The following MDGA2 variants were observed in gnomAD, a reference collection of about 807,000 sequenced individuals.
MDGA2 encodes MAM domain containing glycosylphosphatidylinositol anchor 2.
A neutral mutation model predicts 117.8 loss-of-function variants in MDGA2; 40 were observed. That is an observed-to-expected ratio of 0.34 (90% CI 0.26 to 0.44). MDGA2 has a LOEUF of 0.44. MDGA2 is among the 20% of genes least tolerant of loss of function. The pLI, the probability that MDGA2 is intolerant of heterozygous loss-of-function variation, is 1.00. For missense variants in MDGA2, 1,123 were observed against 1,250.6 expected, an observed-to-expected ratio of 0.90 and a Z score of 1.54; for synonymous variants, 452 against 439.0, an observed-to-expected ratio of 1.03 and a Z score of -0.37.
chr14:46,858,174 T>A (rs1035016509), intron 14 of MDGA2, among the ~76,000 whole-genome samples: 13 of 151,472 alleles, frequency 8.6e-5, no homozygotes, highest in Non-Finnish European at 1.5e-4. Flanking sequence ...TTTCTTTGTC[T>A]TCAAGTTCAC....
At chr14:46,864,545 G>GGTTTTTTTTTT (rs773215923) in intron 14 of MDGA2, among the ~76,000 whole-genome samples, 2 of 51,472 alleles carry the variant, frequency 3.9e-5, no homozygotes, top group Non-Finnish European at 7.9e-5. Flanking sequence ...AGATATTGCT[G>GGTTTTTTTTTT]TTTTTTTTTT....
intron 3 of MDGA2, among the ~76,000 whole-genome samples, chr14:47,150,460 T>G (rs1883118108): frequency 6.6e-6 from 1 of 152,186 alleles, no homozygotes; most frequent in South Asian, 2.1e-4. Context: ...TTTTCTCCAC[T>G]GCGTAAAAGG....
At chr14:47,297,228 C>A (rs1016417266) in intron 2 of MDGA2, among the ~76,000 whole-genome samples, 1 of 151,858 alleles carries the variant, frequency 6.6e-6, no homozygotes, top group Admixed American at 6.6e-5. Flanking sequence ...CGAACGAGAA[C>A]TGAAAGGTGA....
At chr14:47,178,734 T>C (rs990855866) in intron 3 of MDGA2, among the ~76,000 whole-genome samples, 18 of 152,138 alleles carry the variant, frequency 1.2e-4, no homozygotes, top group African/African-American at 4.1e-4. Context: ...AATTATGTTA[T>C]AGAAATGTGA....
In MDGA2 at chr14:47,141,536, A is replaced by G. The variant is rs570988030; in HGVS notation, c.792+2542T>C. Among the ~76,000 whole-genome samples the G allele has an allele frequency of 6.3e-3, 961 of 152,292 alleles. 4 individuals carry two copies. The highest frequency in any genetic ancestry group is 0.01 in the Non-Finnish European group (705 of 68,008). On this transcript the variant is annotated intron_variant, in intron 4 of 16. Coordinates refer to ENST00000399232, the MANE Select transcript of MDGA2 (RefSeq NM_001113498.3). ...TATAATGTTCTCCAGATCCACCCAC[A>G]TTGCTGCAAATGATGGGTCTGTCCC...
chr14:47,164,581 T>A (rs1883783744), intron 3 of MDGA2, among the ~76,000 whole-genome samples: 1 of 152,054 alleles, frequency 6.6e-6, no homozygotes, highest in Non-Finnish European at 1.5e-5. Flanking sequence ...AGAATGGCGA[T>A]CATTAAAAAG....
chr14:47,103,227 T>C (rs1439457422), intron 5 of MDGA2, among the ~76,000 whole-genome samples: 1 of 152,214 alleles, frequency 6.6e-6, no homozygotes, highest in Non-Finnish European at 1.5e-5. Context: ...TGCTTACAGA[T>C]TCAAGGAATA....
At chr14:47,325,195 AT>A (rs1295897307) in intron 1 of MDGA2, among the ~76,000 whole-genome samples, 1 of 152,172 alleles carries the variant, frequency 6.6e-6, no homozygotes, top group East Asian at 1.9e-4. Flanking sequence ...TATCTGACTG[AT>A]CTCTCAACTA....
chr14:47,092,620 T>C (rs964984612), intron 6 of MDGA2, among the ~76,000 whole-genome samples: 3 of 152,118 alleles, frequency 2.0e-5, no homozygotes, highest in African/African-American at 7.2e-5. Flanking sequence ...CCTGTCAGCT[T>C]TGAAATATTT....
intron 1 of MDGA2, among the ~76,000 whole-genome samples, chr14:47,503,210 C>G (rs1469219390): frequency 6.6e-6 from 1 of 151,688 alleles, no homozygotes; most frequent in Non-Finnish European, 1.5e-5. Flanking sequence ...GTTTTAAAAT[C>G]TGTTGATGAT....
chr14:46,953,291 A>G (rs1159563137), intron 9 of MDGA2, among the ~76,000 whole-genome samples: 1 of 150,648 alleles, frequency 6.6e-6, no homozygotes, highest in Non-Finnish European at 1.5e-5. Context: ...TAAAAAATCT[A>G]TTATATATAT....
intron 2 of MDGA2, among the ~76,000 whole-genome samples, chr14:47,227,208 C>G (rs979957395): frequency 7.2e-5 from 11 of 152,080 alleles, no homozygotes; most frequent in African/African-American, 2.7e-4. Flanking sequence ...AAATAAGGTA[C>G]TAGGGATTCA....
chr14:47,616,033 T>C (rs1337103018), intron 1 of MDGA2, among the ~76,000 whole-genome samples: 2 of 152,080 alleles, frequency 1.3e-5, no homozygotes, highest in South Asian at 2.1e-4. Flanking sequence ...CTGGGAGGAA[T>C]GAGTAGGAGC....
intron 1 of MDGA2, among the ~76,000 whole-genome samples, chr14:47,670,100 A>G (rs188568538): frequency 3.3e-5 from 5 of 152,268 alleles, no homozygotes; most frequent in Admixed American, 6.5e-5. Context: ...TGTCATTCTT[A>G]AATTGTATGA....
intron 8 of MDGA2, among the ~76,000 whole-genome samples, chr14:46,967,266 T>G (rs1216789408): frequency 6.6e-6 from 1 of 152,114 alleles, no homozygotes; most frequent in Non-Finnish European, 1.5e-5. Context: ...ATTTAACCAT[T>G]GGAGGAGCAC....
At chr14:47,596,955 C>T (rs1352177601) in intron 1 of MDGA2, among the ~76,000 whole-genome samples, 1 of 152,066 alleles carries the variant, frequency 6.6e-6, no homozygotes, top group Non-Finnish European at 1.5e-5. Context: ...CTGTAAGAGC[C>T]CTGCTCTGCC....
intron 8 of MDGA2, among the ~76,000 whole-genome samples, chr14:46,997,367 CA>C (rs1218231351): frequency 6.6e-6 from 1 of 151,936 alleles, no homozygotes; most frequent in African/African-American, 2.4e-5. Flanking sequence ...TTTTTAAGCT[CA>C]AAGGAGATTG....
chr14:47,124,477 C>A lies in MDGA2; in HGVS notation c.925+7237G>T, dbSNP rs147343184. On this transcript the variant is annotated intron_variant, in intron 5 of 16. Coordinates refer to ENST00000399232, the MANE Select transcript of MDGA2 (RefSeq NM_001113498.3). Reference sequence around the variant, plus strand: ...GTGAGGAATAGGCTCTTTAACATATCTGACTCATTTTCTTGCTTTGATTTA... The same window carrying A: ...GTGAGGAATAGGCTCTTTAACATATATGACTCATTTTCTTGCTTTGATTTA... Among the ~76,000 whole-genome samples, 210 of 152,212 alleles carry A rather than the reference C, an allele frequency of 1.4e-3. 1 individual carries two copies. Among genetic ancestry groups the A allele is most frequent in the African/African-American group, 4.2e-3 (173 of 41,548 alleles).
chr14:47,107,989 G>T (rs1480661923), intron 5 of MDGA2, among the ~76,000 whole-genome samples: 1 of 147,264 alleles, frequency 6.8e-6, no homozygotes, highest in Non-Finnish European at 1.5e-5. Flanking sequence ...TAACAGACCA[G>T]CCTTTATTAG....
Sources: allele counts gnomAD v4.1 joint callset (sites outside exome capture counted in the v4.1 genomes callset), GRCh38; gene constraint gnomAD v4.1.1; transcripts MANE v1.5; gene names NCBI Gene and HGNC (gene_info 2026-07-23, HGNC 2026-07-21).